Variants in EXT1 observed in about 807,000 individuals in gnomAD.
The protein encoded by EXT1 is exostosin-1.
EXT1 carries 20 observed loss-of-function variants against 82.5 expected under a neutral mutation model. The ratio of observed to expected loss-of-function variants is 0.24; its 90% CI spans 0.17 to 0.35. The LOEUF (loss-of-function observed/expected upper bound fraction) is 0.35. Among genes scored for constraint, EXT1 ranks in the 10% least tolerant of loss-of-function variants. The pLI is 1.00. For missense variants in EXT1, 757 were observed against 936.5 expected, an observed-to-expected ratio of 0.81 and a Z score of 2.50; for synonymous variants, 348 against 350.8, an observed-to-expected ratio of 0.99 and a Z score of 0.09.
rs748515921 is a variant in EXT1, at chr8:117,809,632, G to A, written c.1723-2255C>T. 1.5e-4 allele frequency among the ~76,000 whole-genome samples: 17 copies of A among 112,260 alleles called. No individual in the cohort carries two copies. The South Asian group carries it at 2.5e-3, about 17-fold the overall frequency. The allele number at this position is 112,260 out of a possible 152,430, so 73.6% of individuals were successfully genotyped here. A position where few individuals can be genotyped will look rare whatever the true frequency, so the allele number is the denominator to read the frequency against. The stretch of plus-strand genomic sequence containing the variant: ...ATCGTGGGCGGCAGAGTGAGACTCC[G>A]TCAAAAAAAAAAAAAAAATCCAGAG... On this transcript the variant is annotated intron_variant, in intron 8 of 10. Transcript: ENST00000378204.
Position 117,822,611 on chromosome 8 carries a change from CAT to C in EXT1, c.1285-16_1285-15del. ...GTCCTGAATAATCTAGAAAATAAAACATAGCACACAGTGAGGATGAGATCCTG... is the reference window on the plus strand; with the variant it reads ...GTCCTGAATAATCTAGAAAATAAAACAGCACACAGTGAGGATGAGATCCTG... On this transcript the variant is annotated splice_polypyrimidine_tract_variant and intron_variant, in intron 4 of 10. Coordinates refer to ENST00000378204, the MANE Select transcript of EXT1 (RefSeq NM_000127.3). 1 of 1,611,282 alleles carries C rather than the reference CAT, an allele frequency of 6.2e-7. No individual in the cohort carries two copies. Among genetic ancestry groups the C allele is most frequent in the African/African-American group, 1.3e-5 (1 of 74,986 alleles).
At chr8:117,937,094 T>C (rs913899137) in intron 1 of EXT1, among the ~76,000 whole-genome samples, 11 of 152,138 alleles carry the variant, frequency 7.2e-5, no homozygotes, top group African/African-American at 2.7e-4. Flanking sequence ...CAATATCCCC[T>C]CAAAACACAC....
chr8:118,011,356 C>T (rs1425979424), intron 1 of EXT1, among the ~76,000 whole-genome samples: 1 of 152,204 alleles, frequency 6.6e-6, no homozygotes, highest in East Asian at 1.9e-4. Flanking sequence ...TAGGCACCCA[C>T]TAACCTTATG....
chr8:117,977,646 T>C (rs1207815328), intron 1 of EXT1, among the ~76,000 whole-genome samples: 1 of 152,082 alleles, frequency 6.6e-6, no homozygotes, highest in African/African-American at 2.4e-5. Context: ...ACAGGGCAAA[T>C]TAATCCTTGC....
At chr8:117,887,565 T>C (rs894013976) in intron 1 of EXT1, among the ~76,000 whole-genome samples, 2 of 152,064 alleles carry the variant, frequency 1.3e-5, no homozygotes, top group Non-Finnish European at 2.9e-5. Flanking sequence ...TTGGCCAGGA[T>C]GGTCTCGATC....
intron 1 of EXT1, among the ~76,000 whole-genome samples, chr8:117,891,735 C>A (rs952775044): frequency 6.6e-6 from 1 of 151,786 alleles, no homozygotes; most frequent in Admixed American, 6.6e-5. Context: ...GCTTTACCCA[C>A]TCTAAGGACC....
chr8:117,871,195 G>A (rs1812863669), intron 1 of EXT1, among the ~76,000 whole-genome samples: 1 of 152,022 alleles, frequency 6.6e-6, no homozygotes, highest in South Asian at 2.1e-4. Flanking sequence ...TATAATCAAG[G>A]AAAAAATCAA....
chr8:118,019,371 T>C (rs748815598), intron 1 of EXT1, among the ~76,000 whole-genome samples: 13 of 152,196 alleles, frequency 8.5e-5, no homozygotes, highest in Non-Finnish European at 1.3e-4. Flanking sequence ...TTCTGTGCTG[T>C]TGTACTCAAA....
At chr8:117,803,715 A>G (rs761396904) in intron 10 of EXT1, among the ~76,000 whole-genome samples, 1 of 152,188 alleles carries the variant, frequency 6.6e-6, no homozygotes, top group Non-Finnish European at 1.5e-5. Context: ...TAGTTTTCTT[A>G]CTTATAAAAA....
At chr8:117,870,781 G>A (rs978004758) in intron 1 of EXT1, among the ~76,000 whole-genome samples, 27 of 149,648 alleles carry the variant, frequency 1.8e-4, no homozygotes, top group African/African-American at 6.0e-4. Context: ...TTGGTGTCCC[G>A]TATCCACATC....
intron 1 of EXT1, among the ~76,000 whole-genome samples, chr8:117,871,749 T>C (rs1043695215): frequency 1.3e-5 from 2 of 152,146 alleles, no homozygotes; most frequent in Middle Eastern, 6.3e-3. Flanking sequence ...TCAGGCACTC[T>C]GAGGCTTGTC....
chr8:117,989,340 C>T (rs1316524680), intron 1 of EXT1, among the ~76,000 whole-genome samples: 1 of 152,012 alleles, frequency 6.6e-6, no homozygotes, highest in Non-Finnish European at 1.5e-5. Flanking sequence ...GGTCTCCTTG[C>T]TTCCACTCCA....
chr8:118,028,728 G>C (rs1816247320), intron 1 of EXT1, among the ~76,000 whole-genome samples: 1 of 151,582 alleles, frequency 6.6e-6, no homozygotes, highest in Non-Finnish European at 1.5e-5. Flanking sequence ...TCAGGAGTTA[G>C]AGACCAGCCT....
rs1257472298 is a variant in EXT1, at chr8:117,796,585, T to C, written c.*3127A>G. The stretch of plus-strand genomic sequence containing the variant: ...TTGAAGGATGCAACCGGATTGATCC[T>C]TCTTTGAGCACCATTTGTCACAAGA... On this transcript the variant is annotated 3_prime_UTR_variant, in exon 11 of 11. Coordinates refer to ENST00000378204, the MANE Select transcript of EXT1 (RefSeq NM_000127.3). 1 of 152,218 alleles carries C rather than the reference T, an allele frequency of 6.6e-6. No homozygotes were observed. The highest frequency in any genetic ancestry group is 1.9e-4 in the East Asian group (1 of 5,190). The allele number at this position is 152,218 out of a possible 1,614,324, so 9.4% of individuals were successfully genotyped here.
intron 8 of EXT1, among the ~76,000 whole-genome samples, chr8:117,812,154 C>T (rs1473345999): frequency 6.6e-6 from 1 of 152,196 alleles, no homozygotes; most frequent in African/African-American, 2.4e-5. Flanking sequence ...ATGTATTTCT[C>T]ATATACTCCA....
intron 1 of EXT1, among the ~76,000 whole-genome samples, chr8:118,026,650 A>T (rs542512450): frequency 6.6e-6 from 1 of 152,256 alleles, no homozygotes; most frequent in South Asian, 2.1e-4. Context: ...CAGTTCTGTC[A>T]CAAATGCTGC....
chr8:117,945,062 T>TG (rs1273861280), intron 1 of EXT1, among the ~76,000 whole-genome samples: 1 of 152,156 alleles, frequency 6.6e-6, no homozygotes, highest in East Asian at 1.9e-4. Context: ...CTCAGGAGGC[T>TG]GAGGCAGGAG....
intron 1 of EXT1, among the ~76,000 whole-genome samples, chr8:118,087,568 G>GA (rs1409779246): frequency 2.6e-5 from 4 of 151,900 alleles, no homozygotes; most frequent in African/African-American, 4.8e-5. Flanking sequence ...ATGCTGGGGA[G>GA]AAAAAAATCA....
intron 1 of EXT1, among the ~76,000 whole-genome samples, chr8:118,015,063 C>T (rs558964387): frequency 2.6e-5 from 4 of 152,190 alleles, no homozygotes; most frequent in Middle Eastern, 3.2e-3. Flanking sequence ...TTACATAACT[C>T]TTGAAGTTAC....
Sources: allele counts gnomAD v4.1 joint callset (sites outside exome capture counted in the v4.1 genomes callset), GRCh38; gene constraint gnomAD v4.1.1; transcripts MANE v1.5; gene names NCBI Gene and HGNC (gene_info 2026-07-23, HGNC 2026-07-21).